The following GSE1 variants were observed in gnomAD, a reference collection of about 807,000 sequenced individuals.
GSE1 encodes genetic suppressor element 1.
In GSE1, 32 loss-of-function variants were observed where a neutral mutation model predicts 112.6. The observed-to-expected ratio is 0.28, with a 90% CI of 0.21 to 0.38. The LOEUF (loss-of-function observed/expected upper bound fraction) is 0.38. Among genes scored for constraint, GSE1 ranks in the 10% least tolerant of loss-of-function variants. The probability of loss-of-function intolerance (pLI) is 1.00; values close to 1 mark genes in which losing one functional copy is unlikely to be tolerated. For missense variants in GSE1, 2,348 were observed against 1,699.2 expected, an observed-to-expected ratio of 1.38 and a Z score of -6.71; for synonymous variants, 1,115 against 735.6, an observed-to-expected ratio of 1.52 and a Z score of -8.35.
intron 1 of GSE1, among the ~76,000 whole-genome samples, chr16:85,602,052 A>G (rs922363914): frequency 6.6e-5 from 10 of 152,096 alleles, no homozygotes; most frequent in African/African-American, 2.4e-4. Flanking sequence ...TTCTAGAAGA[A>G]GCTCCTCCGT....
chr16:85,623,127 C>A (rs1264670380), intron 1 of GSE1, among the ~76,000 whole-genome samples: 2 of 152,074 alleles, frequency 1.3e-5, no homozygotes, highest in African/African-American at 4.8e-5. Flanking sequence ...TAAGACATTG[C>A]CCATTGATTC....
intron 14 of GSE1, among the ~76,000 whole-genome samples, chr16:85,668,642 A>G (rs1009195086): frequency 1.3e-5 from 2 of 152,196 alleles, no homozygotes; most frequent in African/African-American, 2.4e-5. Flanking sequence ...TCCAAGTACC[A>G]TGATGCCAGC....
chr16:85,193,815 A>C (rs2074874678), intron 1 of GSE1, among the ~76,000 whole-genome samples: 1 of 152,202 alleles, frequency 6.6e-6, no homozygotes, highest in South Asian at 2.1e-4. Flanking sequence ...AGTTGTGAGA[A>C]ATAATGAAGA....
chr16:85,280,340 C>G (rs1191308737), intron 1 of GSE1, among the ~76,000 whole-genome samples: 1 of 152,180 alleles, frequency 6.6e-6, no homozygotes, highest in Non-Finnish European at 1.5e-5. Context: ...CTCTCAGATT[C>G]CACCCGTGGA....
At chr16:85,612,627 G>A (rs990835447), upstream of GSE1, among the ~76,000 whole-genome samples, 3 of 151,228 alleles carry the variant, frequency 2.0e-5, no homozygotes, top group African/African-American at 7.3e-5. Context: ...TGGGGGGTGG[G>A]GTGCCTTATG....
intron 2 of GSE1, among the ~76,000 whole-genome samples, chr16:85,376,631 C>T (rs2047426869): frequency 6.6e-6 from 1 of 152,216 alleles, no homozygotes; most frequent in Non-Finnish European, 1.5e-5. Context: ...CGGGCTGTCA[C>T]CACAGTGGCT....
intron 2 of GSE1, among the ~76,000 whole-genome samples, 183 bp downstream of exon 2, chr16:85,634,315 T>C (rs2049806142): frequency 1.3e-5 from 2 of 152,232 alleles, no homozygotes; most frequent in Non-Finnish European, 2.9e-5. Context: ...CCCCAGCACC[T>C]CCGCTTTGCC....
intron 2 of GSE1, among the ~76,000 whole-genome samples, chr16:85,425,974 T>A (rs1047974759): frequency 6.0e-5 from 9 of 151,120 alleles, no homozygotes; most frequent in African/African-American, 2.2e-4. Context: ...CTTTAGACAG[T>A]CATGCTCTGG....
upstream of GSE1, among the ~76,000 whole-genome samples, chr16:85,609,292 G>A (rs1380117264): frequency 6.6e-6 from 1 of 152,254 alleles, no homozygotes; most frequent in Non-Finnish European, 1.5e-5. Flanking sequence ...AAGCTGGAGT[G>A]CAGTGGCACA....
At chr16:85,445,841 C>G (rs1031607991) in intron 2 of GSE1, among the ~76,000 whole-genome samples, 8 of 152,188 alleles carry the variant, frequency 5.3e-5, no homozygotes, top group Non-Finnish European at 1.0e-4. Context: ...CCTTGCAGCT[C>G]GCTGGGGTCA....
chr16:85,567,540 C>T (rs1180725819), intron 1 of GSE1, among the ~76,000 whole-genome samples: 1 of 152,204 alleles, frequency 6.6e-6, no homozygotes, highest in Non-Finnish European at 1.5e-5. Flanking sequence ...CTCAGTGTGG[C>T]ATGAGCTTCC....
chr16:85,549,566 G>T (rs896023846), intron 2 of GSE1, among the ~76,000 whole-genome samples: 7 of 152,214 alleles, frequency 4.6e-5, no homozygotes, highest in Non-Finnish European at 7.3e-5. Context: ...CTGGTTAGAT[G>T]CTCTGAGAGG....
At chr16:85,669,549 C>T (rs560977023) in intron 14 of GSE1, among the ~76,000 whole-genome samples, 45 of 152,294 alleles carry the variant, frequency 3.0e-4, no homozygotes, top group African/African-American at 1.1e-3. Context: ...CGCACCACCC[C>T]CTACATGTTG....
intron 2 of GSE1, among the ~76,000 whole-genome samples, chr16:85,499,075 G>T (rs2051275228): frequency 6.6e-6 from 1 of 152,208 alleles, no homozygotes. Context: ...GATGGGAAGT[G>T]CAGAGGAGTG....
chr16:85,537,092 G>A (rs1224047953), intron 2 of GSE1, among the ~76,000 whole-genome samples: 4 of 152,242 alleles, frequency 2.6e-5, no homozygotes, highest in Admixed American at 6.5e-5. Flanking sequence ...AGATGCAGAA[G>A]CGAGACAGGA....
At chr16:85,609,031 C>T (rs373212409), upstream of GSE1, among the ~76,000 whole-genome samples, 7 of 152,304 alleles carry the variant, frequency 4.6e-5, no homozygotes, top group Non-Finnish European at 7.3e-5. Context: ...AGGGCTAGGC[C>T]GTGTGCTCAG....
chr16:85,237,901 C>T (rs1904831091), intron 1 of GSE1, among the ~76,000 whole-genome samples: 2 of 151,956 alleles, frequency 1.3e-5, no homozygotes, highest in African/African-American at 2.4e-5. Context: ...GCAAGACGGG[C>T]CTATCTGCTG....
At chr16:85,264,426 G>GGAGC (rs2144128301) in intron 1 of GSE1, among the ~76,000 whole-genome samples, 2 of 152,192 alleles carry the variant, frequency 1.3e-5, no homozygotes, top group African/African-American at 4.8e-5. Context: ...TCAACTCCGG[G>GGAGC]GAGCCCCTGA....
chr16:85,586,468 T>G (rs2046699266), intron 1 of GSE1, among the ~76,000 whole-genome samples: 1 of 152,184 alleles, frequency 6.6e-6, no homozygotes, highest in African/African-American at 2.4e-5. Context: ...GAAGGCTGTT[T>G]CATGAGCGTC....
Sources: gnomAD v4.1 joint callset for allele counts (sites outside exome capture counted in the v4.1 genomes callset) on GRCh38, gnomAD v4.1.1 for gene constraint, MANE v1.5 for transcripts, NCBI Gene and HGNC (gene_info 2026-07-23, HGNC 2026-07-21) for gene names.